ZNF846: variants seen among roughly 807,000 people sequenced by gnomAD.
The protein encoded by ZNF846 is zinc finger protein 420 pseudogene.
A neutral mutation model predicts 16.0 loss-of-function variants in ZNF846; 15 were observed. The ratio of observed to expected loss-of-function variants is 0.94; its 90% confidence interval spans 0.63 to 1.45. ZNF846 has a LOEUF of 1.45. Among genes scored for constraint, ZNF846 ranks in the 40% most tolerant of loss-of-function variants. The pLI, the probability that ZNF846 is intolerant of heterozygous loss-of-function variation, is 0.00. For missense variants in ZNF846, 714 were observed against 622.3 expected (o/e 1.15, Z -1.57); for synonymous variants, 229 against 212.0 (o/e 1.08, Z -0.70).
At chr19:9,749,813 G>A (rs1410175442), downstream of ZNF846, among the ~76,000 whole-genome samples, 1 of 151,980 alleles carries the variant, frequency 6.6e-6, no homozygotes, top group Non-Finnish European at 1.5e-5. Flanking sequence ...AATAGCCCTT[G>A]TCTTTACCCA....
At chr19:9,761,566 T>C (rs2045229075) in intron 4 of ZNF846, among the ~76,000 whole-genome samples, 1 of 151,738 alleles carries the variant, frequency 6.6e-6, no homozygotes, top group Non-Finnish European at 1.5e-5. Context: ...AAAAAATTAG[T>C]TGGGCGTGGT....
chr19:9,749,742 C>A (rs1441919553), downstream of ZNF846, among the ~76,000 whole-genome samples: 1 of 152,020 alleles, frequency 6.6e-6, no homozygotes, highest in Non-Finnish European at 1.5e-5. Context: ...ATGCAGCCGT[C>A]CCCGCTCTAC....
At chr19:9,781,334 C>T (rs769929538) in intron 1 of ZNF846, among the ~76,000 whole-genome samples, 1 of 151,920 alleles carries the variant, frequency 6.6e-6, no homozygotes, top group Non-Finnish European at 1.5e-5. Flanking sequence ...CCATGTTGGC[C>T]AGGCTGGTCT....
At chr19:9,779,695 C>T (rs1407238222) in intron 1 of ZNF846, among the ~76,000 whole-genome samples, 1 of 151,860 alleles carries the variant, frequency 6.6e-6, no homozygotes, top group Non-Finnish European at 1.5e-5. Flanking sequence ...CTCAGCCTCC[C>T]AAGCAGCTGG....
chr19:9,759,741 T>C, intron 5 of ZNF846, 119 bp downstream of exon 5: 1 of 666,570 alleles, frequency 1.5e-6, no homozygotes. Context: ...ATTCATGATA[T>C]TCAGAGAATC....
exon 6 of ZNF846, chr19:9,758,750 A>C: frequency 6.4e-7 from 1 of 1,571,648 alleles, no homozygotes; most frequent in Non-Finnish European, 8.6e-7. Context: ...GTTTCTCTGC[A>C]GTATTGCTTC....
chr19:9,777,678 A>C (rs1435323418), intron 1 of ZNF846, among the ~76,000 whole-genome samples: 2 of 151,406 alleles, frequency 1.3e-5, no homozygotes, highest in South Asian at 2.1e-4. Context: ...CAAAAAAAAA[A>C]ATTTAAACAA....
chr19:9,753,826 A>G (rs922709645), downstream of ZNF846, among the ~76,000 whole-genome samples: 1 of 151,750 alleles, frequency 6.6e-6, no homozygotes, highest in Admixed American at 6.5e-5. Context: ...GGCCTAACAC[A>G]TGGTTTCTCC....
chr19:9,771,055 C>T (rs1035878183), upstream of ZNF846, among the ~76,000 whole-genome samples: 1 of 152,040 alleles, frequency 6.6e-6, no homozygotes, highest in Admixed American at 6.6e-5. Flanking sequence ...GATTTTGGTG[C>T]ACCCATCATC....
chr19:9,762,362 G>A, intron 3 of ZNF846, 194 bp from the exon 4 acceptor site: 1 of 515,602 alleles, frequency 1.9e-6, no homozygotes, highest in Non-Finnish European at 3.5e-6. Context: ...TGTTGCCCAG[G>A]TATAATGGCT....
At chr19:9,761,710 C>CAAA (rs56126532) in intron 4 of ZNF846, among the ~76,000 whole-genome samples, 1 of 110,278 alleles carries the variant, frequency 9.1e-6, no homozygotes, top group Non-Finnish European at 1.9e-5. Context: ...GACTCCATCT[C>CAAA]AAAAAAAAAA....
downstream of ZNF846, chr19:9,757,378 G>A (rs1010414142): frequency 1.1e-5 from 11 of 985,530 alleles, no homozygotes; most frequent in Non-Finnish European, 1.7e-5. Context: ...TATTATATAA[G>A]ATATGGAAAT....
intron 5 of ZNF846, 141 bp downstream of exon 5, chr19:9,759,719 A>T: frequency 1.7e-6 from 1 of 591,524 alleles, no homozygotes; most frequent in Non-Finnish European, 3.0e-6. Flanking sequence ...GTAAGTTTAG[A>T]GTGCTTCCCA....
At chr19:9,768,699 A>C (rs993491595), upstream of ZNF846, 2 of 152,320 alleles carry the variant, frequency 1.3e-5, no homozygotes, top group African/African-American at 4.8e-5. Context: ...CTGAGGTGAA[A>C]ACCCAGCTAG....
At chr19:9,749,554 T>C (rs912249581), downstream of ZNF846, among the ~76,000 whole-genome samples, 2 of 150,790 alleles carry the variant, frequency 1.3e-5, no homozygotes, top group African/African-American at 4.9e-5. Flanking sequence ...TTCTTTTTTT[T>C]TTTTTTTTTT....
Position 9,762,407 on chromosome 19 carries a change from G to A in ZNF846, c.143-239C>T, listed in dbSNP as rs1014147360. The A allele has an allele frequency of 1.1e-5, 4 of 369,590 alleles. No homozygotes were observed. The South Asian group carries it at 1.1e-4, about 11-fold the overall frequency. 22.9% of individuals were successfully genotyped at this position (369,590 alleles called of 1,614,324 possible). ...TACCTCAGCACTTTGGGAAGCCAAG[G>A]CAGGGAGATCACTTGAGGTTAGGAG... On this transcript the variant is annotated intron_variant, in intron 3 of 5. Coordinates refer to ENST00000397902, the Ensembl canonical transcript of ZNF846.
At chr19:9,763,037 G>A (rs1178529888) in intron 3 of ZNF846, among the ~76,000 whole-genome samples, 1 of 151,968 alleles carries the variant, frequency 6.6e-6, no homozygotes, top group Admixed American at 6.6e-5. Context: ...CCAGCTACCT[G>A]GGAGGCTGAG....
chr19:9,769,274 G>T (rs967653644), upstream of ZNF846, among the ~76,000 whole-genome samples: 3 of 151,730 alleles, frequency 2.0e-5, no homozygotes, highest in South Asian at 2.1e-4. Context: ...AGACACTTGG[G>T]TCTCACTGTG....
At chr19:9,763,207 C>T in intron 3 of ZNF846, 75 bp downstream of exon 3, 1 of 1,388,126 alleles carries the variant, frequency 7.2e-7, no homozygotes, top group Non-Finnish European at 9.7e-7. Context: ...TATTACAGTA[C>T]CCTCATTTGA....
Sources: allele counts gnomAD v4.1 joint callset (sites outside exome capture counted in the v4.1 genomes callset), GRCh38; gene constraint gnomAD v4.1.1; transcripts MANE v1.5; gene names NCBI Gene and HGNC (gene_info 2026-07-23, HGNC 2026-07-21).